NRCAM: variants seen among roughly 807,000 people sequenced by gnomAD.
NRCAM encodes NgCAM-related cell adhesion molecule.
In NRCAM, 83 loss-of-function variants were observed where a neutral mutation model predicts 156.5. The ratio of observed to expected loss-of-function variants is 0.53; its 90% CI spans 0.44 to 0.64. The LOEUF (loss-of-function observed/expected upper bound fraction) is 0.64, where lower values mean the gene tolerates loss of function less well. NRCAM is among the 30% of genes least tolerant of loss of function. The pLI, the probability that NRCAM is intolerant of heterozygous loss-of-function variation, is 0.00. For synonymous variants in NRCAM, 538 were observed against 563.9 expected (o/e 0.95, Z 0.65); for missense variants, 1,417 against 1,597.3 (o/e 0.89, Z 1.92).
At chr7:108,152,131 C>A (rs1469515550) in intron 32 of NRCAM, among the ~76,000 whole-genome samples, 1 of 152,098 alleles carries the variant, frequency 6.6e-6, no homozygotes, top group African/African-American at 2.4e-5. Flanking sequence ...AAAAAAATTA[C>A]ATATATATTA....
At chr7:108,270,883 CAG>C (rs541267711) in intron 3 of NRCAM, among the ~76,000 whole-genome samples, 13 of 152,114 alleles carry the variant, frequency 8.5e-5, no homozygotes, top group Non-Finnish European at 1.8e-4. Context: ...ATGGAGAGTT[CAG>C]AGTTACTATA....
At chr7:108,243,363 G>A (rs983418072) in intron 3 of NRCAM, 1 of 152,158 alleles carries the variant, frequency 6.6e-6, no homozygotes, top group Admixed American at 6.5e-5. Context: ...GATTTCTCTC[G>A]ATGAGAGTAA....
At chr7:108,157,423 C>T (rs1203698142) in intron 32 of NRCAM, among the ~76,000 whole-genome samples, 1 of 152,098 alleles carries the variant, frequency 6.6e-6, no homozygotes, top group Non-Finnish European at 1.5e-5. Context: ...CTGCTCCAGA[C>T]ACAAAATTCT....
intron 3 of NRCAM, among the ~76,000 whole-genome samples, chr7:108,307,306 C>T (rs890334260): frequency 8.5e-5 from 13 of 152,194 alleles, no homozygotes; most frequent in Non-Finnish European, 7.3e-5. Flanking sequence ...ATGCATTAAT[C>T]AACACTGCTA....
intron 11 of NRCAM, among the ~76,000 whole-genome samples, chr7:108,214,116 G>A (rs546699726): frequency 6.6e-6 from 1 of 152,320 alleles, no homozygotes; most frequent in East Asian, 1.9e-4. Flanking sequence ...CTCACAAAAT[G>A]AGTTAGGGAG....
intron 28 of NRCAM, among the ~76,000 whole-genome samples, chr7:108,172,983 ATTTTTTT>A (rs143144704): frequency 8.4e-6 from 1 of 118,776 alleles, no homozygotes. Context: ...TGAGATGTTG[ATTTTTTT>A]TTTTTTTTTT....
intron 1 of NRCAM, among the ~76,000 whole-genome samples, chr7:108,453,096 A>G (rs1156990752): frequency 1.3e-5 from 2 of 152,230 alleles, no homozygotes; most frequent in Non-Finnish European, 2.9e-5. Flanking sequence ...AAGGACAGAT[A>G]TTCTGTTTGG....
rs1459679821 is a variant in NRCAM at position 108,195,817 on chromosome 7, G to A, written c.1407C>T (p.Asn469=). 1.2e-6 allele frequency: 2 copies of A among 1,613,680 alleles called. No homozygotes were observed. Among genetic ancestry groups the A allele is most frequent in the Admixed American group, 3.3e-5 (2 of 59,920 alleles). ...AGGCACAGTCTAGTAAAGCAGGCCT[G>A]TTTGCAATGACCTGGTAGAGTGTGT... ...PANTLYQVIA[N]RPALLDCAFF... Residue 469 remains asparagine (N), a synonymous_variant, in exon 15 of 33, where the codon AAC becomes AAT. Coordinates refer to ENST00000379028, the MANE Select transcript of NRCAM (RefSeq NM_001037132.4).
At position 108,172,044 on chromosome 7, in the gene NRCAM, G is replaced by A. The variant is rs571874416; in HGVS notation, c.3187+3278C>T. Among the ~76,000 whole-genome samples, 5 of 152,296 alleles carry A rather than the reference G, an allele frequency of 3.3e-5. No individual in the cohort carries two copies. The East Asian group carries it at 9.7e-4, about 29-fold the overall frequency. On this transcript the variant is annotated intron_variant, in intron 28 of 32. Transcript: ENST00000379028. ...GTAGGCTGCAAGTTAGGTCAAGAATGCAGATTCCTGCTTTGCCAGTTAGTT... is the reference window on the plus strand; with the variant it reads ...GTAGGCTGCAAGTTAGGTCAAGAATACAGATTCCTGCTTTGCCAGTTAGTT...
intron 3 of NRCAM, among the ~76,000 whole-genome samples, chr7:108,242,794 A>G (rs2095622920): frequency 6.6e-6 from 1 of 152,204 alleles, no homozygotes; most frequent in Non-Finnish European, 1.5e-5. Context: ...ATGTACTAAT[A>G]AATTGTAACA....
At chr7:108,217,339 G>A (rs1563501434) in intron 11 of NRCAM, among the ~76,000 whole-genome samples, 1 of 152,178 alleles carries the variant, frequency 6.6e-6, no homozygotes, top group African/African-American at 2.4e-5. Flanking sequence ...GAGCTCTCCT[G>A]TATGAGGTGT....
chr7:108,410,048 C>A (rs897659496), intron 1 of NRCAM, among the ~76,000 whole-genome samples: 15 of 152,124 alleles, frequency 9.9e-5, no homozygotes, highest in Non-Finnish European at 1.5e-4. Flanking sequence ...AACCCTGAGC[C>A]ATTAAAAACT....
At chr7:108,234,758 T>G in intron 5 of NRCAM, 70 bp from the exon 6 acceptor site, 1 of 1,081,454 alleles carries the variant, frequency 9.2e-7, no homozygotes, top group Middle Eastern at 2.0e-4. Context: ...CATTTTTTCC[T>G]GTATCAAAAT....
Position 108,180,266 on chromosome 7 carries a change from C to G in NRCAM, c.2808G>C (p.Glu936Asp). 12 of 1,614,218 alleles carry G rather than the reference C, an allele frequency of 7.4e-6. No homozygotes were observed. Among genetic ancestry groups the G allele is most frequent in the Non-Finnish European group, 1.0e-5 (12 of 1,180,032 alleles). Residue 936 changes from glutamate (E) to aspartate (D), a missense_variant, in exon 25 of 33, where the codon GAG becomes GAC. Glu to Asp is a conservative substitution (Grantham distance 45). Coordinates refer to ENST00000379028, the MANE Select transcript of NRCAM (RefSeq NM_001037132.4). ...AGACTCTGTCAGGGCTGGCTGGGCC[C>G]TCCCCTTTCCCATTGACCACTCGGA... is the stretch of plus-strand genomic sequence containing the variant. ...LNVRVVNGKG[E>D]GPASPDRVFN...
intron 13 of NRCAM, among the ~76,000 whole-genome samples, chr7:108,206,996 C>T (rs1176287889): frequency 1.3e-5 from 2 of 152,164 alleles, no homozygotes; most frequent in African/African-American, 4.8e-5. Context: ...CGATCAGGGT[C>T]AGAGGATGTG....
At chr7:108,411,678 C>T (rs990857609) in intron 1 of NRCAM, among the ~76,000 whole-genome samples, 2 of 152,102 alleles carry the variant, frequency 1.3e-5, no homozygotes, top group African/African-American at 2.4e-5. Context: ...TACAGGTGTG[C>T]GCCACCACGC....
intron 5 of NRCAM, 125 bp from the exon 6 acceptor site, chr7:108,234,813 C>A: frequency 1.3e-6 from 1 of 793,434 alleles, no homozygotes; most frequent in Middle Eastern, 2.3e-4. Context: ...TTAGTAATTT[C>A]TAGTGTAGCA....
chr7:108,338,819 C>A (rs975041391), intron 2 of NRCAM, among the ~76,000 whole-genome samples: 3 of 143,434 alleles, frequency 2.1e-5, no homozygotes, highest in Non-Finnish European at 4.6e-5. Flanking sequence ...CTACCTTGTT[C>A]TCAGTGTAAA....
At chr7:108,294,599 T>C (rs1056565896) in intron 3 of NRCAM, among the ~76,000 whole-genome samples, 3 of 152,308 alleles carry the variant, frequency 2.0e-5, no homozygotes, top group Admixed American at 2.0e-4. Context: ...ATAAACAAAA[T>C]AGACATATCC....
Sources: gnomAD v4.1 joint callset for allele counts (sites outside exome capture counted in the v4.1 genomes callset) on GRCh38, gnomAD v4.1.1 for gene constraint, MANE v1.5 for transcripts, NCBI Gene and HGNC (gene_info 2026-07-23, HGNC 2026-07-21) for gene names.